Variants in FUCA2 observed in about 807,000 individuals in gnomAD.
FUCA2 encodes the protein alpha-L-fucosidase 2, also known as plasma alpha-L-fucosidase.
FUCA2 carries 41 observed loss-of-function variants against 52.6 expected under a neutral mutation model. The ratio of observed to expected loss-of-function variants is 0.78; its 90% CI spans 0.61 to 1.01. The LOEUF (loss-of-function observed/expected upper bound fraction) is 1.01. Among genes scored for constraint, FUCA2 ranks in the 50% least tolerant of loss-of-function variants. The pLI, the probability that FUCA2 is intolerant of heterozygous loss-of-function variation, is 0.00. For synonymous variants in FUCA2, 211 were observed against 217.3 expected, an observed-to-expected ratio of 0.97 and a Z score of 0.26; for missense variants, 507 against 569.5, an observed-to-expected ratio of 0.89 and a Z score of 1.12.
rs990183313 is a variant in FUCA2 at position 143,507,334 on chromosome 6, T to C, written c.315A>G (p.Pro105=). The C allele has an allele frequency of 6.2e-7, 1 of 1,609,940 alleles. No individual in the cohort carries two copies. The highest frequency in any genetic ancestry group is 1.3e-5 in the African/African-American group (1 of 74,644). The change falls in exon 2 of 7, where the codon CCA becomes CCG. Residue 105 remains proline (P), a synonymous_variant. Coordinates refer to ENST00000002165, the MANE Select transcript of FUCA2 (RefSeq NM_032020.5). The surrounding 1 kb of genome is among the most constrained non-coding windows in gnomAD (Gnocchi z 4.5). ...PPSFKYEDFG[P]LFTAKFFNAN... ...CATTAAAAAATTTTGCTGTAAATAG[T>C]GGTCCAAAATCTTCATATTTGAAAC...
chr6:143,498,772 T>C (rs1344124491), intron 5 of FUCA2, among the ~76,000 whole-genome samples: 1 of 152,120 alleles, frequency 6.6e-6, no homozygotes, highest in Non-Finnish European at 1.5e-5. Context: ...AAAAGTATAC[T>C]CTGATTGCTT....
At position 143,507,095 on chromosome 6, in the gene FUCA2, C is replaced by A; in HGVS notation, c.412+142G>T. On this transcript the variant is annotated intron_variant, in intron 2 of 6. Transcript: ENST00000002165. This position sits in a 1 kb window ranked among gnomAD's most constrained non-coding sequence, Gnocchi z 4.5. ...CTCAATTTGGGTTGAATGTGCAGTCCCTAAGTCATAAGCAAGTGCCAGTCA... is the reference window on the plus strand; with the variant it reads ...CTCAATTTGGGTTGAATGTGCAGTCACTAAGTCATAAGCAAGTGCCAGTCA... 1.5e-6 allele frequency: 1 copy of A among 677,730 alleles called. No individual in the cohort carries two copies. The highest frequency in any genetic ancestry group is 2.4e-6 in the Non-Finnish European group (1 of 418,890). The allele number at this position is 677,730 out of a possible 1,614,324, so 42.0% of individuals were successfully genotyped here. A position where few individuals can be genotyped will look rare whatever the true frequency, so the allele number is the denominator to read the frequency against.
rs552475776 is a variant in FUCA2, at chr6:143,502,695, C to G, written c.753-130G>C. 2.5e-6 allele frequency: 2 copies of G among 792,820 alleles called. No individual in the cohort carries two copies. Among genetic ancestry groups the G allele is most frequent in the South Asian group, 3.9e-5 (2 of 50,830 alleles). 49.1% of individuals were successfully genotyped at this position (792,820 alleles called of 1,614,324 possible). A position where few individuals can be genotyped will look rare whatever the true frequency, so the allele number is the denominator to read the frequency against. ...ACCATGGCATAGTACAGTGGAAAGC[C>G]CATGGTTTTGAAGTCAAACAGACCT... On this transcript the variant is annotated intron_variant, in intron 3 of 6. Coordinates refer to ENST00000002165, the MANE Select transcript of FUCA2 (RefSeq NM_032020.5). The surrounding 1 kb of genome is among the most constrained non-coding windows in gnomAD (Gnocchi z 4.1).
Position 143,507,410 on chromosome 6 carries a change from T to C in FUCA2, c.239A>G (p.Lys80Arg). 6.3e-7 allele frequency: 1 copy of C among 1,596,606 alleles called. No individual in the cohort carries two copies. The highest frequency in any genetic ancestry group is 1.1e-5 in the South Asian group (1 of 87,462). The change falls in exon 2 of 7, where the codon AAG (lysine) becomes AGG (arginine). Residue 80 changes from lysine to arginine, a missense_variant. Transcript: ENST00000002165. This position sits in a 1 kb window ranked among gnomAD's most constrained non-coding sequence, Gnocchi z 4.5. ...TTCCACATACTTCGGTATCTTTTCC[T>C]TTTGCCAATACCACCTAAGGGGAGG... ...GSEWFWWYWQKEKIPKYVEFM... is the reference protein window; with the variant it reads ...GSEWFWWYWQREKIPKYVEFM...
At position 143,511,065 on chromosome 6, in the gene FUCA2, G is replaced by C. The variant is rs763182948; in HGVS notation, c.224+346C>G. On this transcript the variant is annotated intron_variant, in intron 1 of 6. Transcript: ENST00000002165. The surrounding 1 kb of genome is among the most constrained non-coding windows in gnomAD (Gnocchi z 6.3). ...GGCCATTGTGCCTGAGTCACCGCTC[G>C]TGTGATGCCCCTGCACAAACTGATG... Among the ~76,000 whole-genome samples, 8 of 152,200 alleles carry C rather than the reference G, an allele frequency of 5.3e-5. No individual in the cohort carries two copies. The highest frequency in any genetic ancestry group is 1.9e-4 in the African/African-American group (8 of 41,444).
chr6:143,511,720 C>G lies in FUCA2; in HGVS notation c.-86G>C. ...TCCGTCTCTGCCGCTGAGTATGCCG[C>G]GCCGCGGTCACCTGACCAAGTCGGA... On this transcript the variant is annotated 5_prime_UTR_variant, in exon 1 of 7. Transcript: ENST00000002165. This position sits in a 1 kb window ranked among gnomAD's most constrained non-coding sequence, Gnocchi z 6.3. 1.6e-6 allele frequency: 2 copies of G among 1,289,550 alleles called. No homozygotes were observed. Among genetic ancestry groups the G allele is most frequent in the African/African-American group, 3.0e-5 (2 of 65,630 alleles). The allele number at this position is 1,289,550 out of a possible 1,614,324, so 79.9% of individuals were successfully genotyped here.
In FUCA2 at chr6:143,502,084, C is replaced by G. The variant is rs1780534898; in HGVS notation, c.1002G>C (p.Leu334Phe). 1.9e-6 allele frequency: 3 copies of G among 1,611,620 alleles called. No homozygotes were observed. Among genetic ancestry groups the G allele is most frequent in the Non-Finnish European group, 2.5e-6 (3 of 1,179,000 alleles). The part of the protein sequence containing the change: ...VETVSCGGNL[L>F]MNIGPTLDGT... ...CATCTAGTGTGGGCCCAATATTCAT[C>G]AAAAGATTTCCTCCACATGAAACTG... is the stretch of plus-strand genomic sequence containing the variant. Residue 334 changes from leucine (L) to phenylalanine (F), a missense_variant, in exon 5 of 7, where the codon TTG becomes TTC. Coordinates refer to ENST00000002165, the MANE Select transcript of FUCA2 (RefSeq NM_032020.5). The surrounding 1 kb of genome is among the most constrained non-coding windows in gnomAD (Gnocchi z 4.1).
rs1379497349 is a variant in FUCA2 at position 143,501,399 on chromosome 6, A to G, written c.1154+533T>C. ...TATATGTTAAGAAACCATATCAGAA[A>G]CTGTCATATTTGTGGAGTCTGATTC... On this transcript the variant is annotated intron_variant, in intron 5 of 6. Coordinates refer to ENST00000002165, the MANE Select transcript of FUCA2 (RefSeq NM_032020.5). This position sits in a 1 kb window ranked among gnomAD's most constrained non-coding sequence, Gnocchi z 6.1. Among the ~76,000 whole-genome samples the G allele has an allele frequency of 6.6e-6, 1 of 152,188 alleles. No individual in the cohort carries two copies. The highest frequency in any genetic ancestry group is 1.5e-5 in the Non-Finnish European group (1 of 68,036).
chr6:143,511,207 T>C lies in FUCA2; in HGVS notation c.224+204A>G, dbSNP rs185978637. On this transcript the variant is annotated intron_variant, in intron 1 of 6. Transcript: ENST00000002165. This position sits in a 1 kb window ranked among gnomAD's most constrained non-coding sequence, Gnocchi z 6.3. ...CTCTTACAGTCACACGGAAGAAAAA[T>C]TCCCTGTTCATCCAGCAGAAGCACT... is the stretch of plus-strand genomic sequence containing the variant. Among the ~76,000 whole-genome samples the C allele has an allele frequency of 8.9e-4, 135 of 152,030 alleles. No homozygotes were observed. Among genetic ancestry groups the C allele is most frequent in the African/African-American group, 3.2e-3 (131 of 41,446 alleles).
At chr6:143,498,311 T>C (rs1406849557) in intron 5 of FUCA2, among the ~76,000 whole-genome samples, 1 of 152,044 alleles carries the variant, frequency 6.6e-6, no homozygotes, top group Non-Finnish European at 1.5e-5. Context: ...TACATTCTAG[T>C]GGAAGAAATT....
rs1395541901 is a variant in FUCA2 at position 143,495,640 on chromosome 6, C to G, written c.*67G>C. 1.6e-5 allele frequency: 23 copies of G among 1,472,550 alleles called. No homozygotes were observed. The allele number at this position is 1,472,550 out of a possible 1,614,324, so 91.2% of individuals were successfully genotyped here. ...TTACATTTGCTTTCTCCATGTGCTACAATTATAGACACCTGATAGTTCCTA... is the reference window on the plus strand; with the variant it reads ...TTACATTTGCTTTCTCCATGTGCTAGAATTATAGACACCTGATAGTTCCTA... On this transcript the variant is annotated 3_prime_UTR_variant, in exon 7 of 7. Transcript: ENST00000002165. The surrounding 1 kb of genome is among the most constrained non-coding windows in gnomAD (Gnocchi z 5.2).
In FUCA2 at chr6:143,507,738, TG is replaced by T. The variant is rs1299660255; in HGVS notation, c.225-315del. Among the ~76,000 whole-genome samples, 2 of 152,128 alleles carry T rather than the reference TG, an allele frequency of 1.3e-5. No individual in the cohort carries two copies. Among genetic ancestry groups the T allele is most frequent in the African/African-American group, 4.8e-5 (2 of 41,426 alleles). On this transcript the variant is annotated intron_variant, in intron 1 of 6. Coordinates refer to ENST00000002165, the MANE Select transcript of FUCA2 (RefSeq NM_032020.5). This position sits in a 1 kb window ranked among gnomAD's most constrained non-coding sequence, Gnocchi z 4.5. ...AGGTTGGAATGCAGTAATGGAATCA[TG>T]GTTCACTGCAACCTTGACCTCCTGT...
At position 143,511,507 on chromosome 6, in the gene FUCA2, G is replaced by A. The variant is rs751517248; in HGVS notation, c.128C>T (p.Ala43Val). 12 of 1,598,424 alleles carry A rather than the reference G, an allele frequency of 7.5e-6. No individual in the cohort carries two copies. In the Admixed American group the frequency reaches 2.1e-4, roughly 28 times the overall value. The part of the protein sequence containing the change: ...RFDPTWESLD[A>V]RQLPAWFDQA... The stretch of plus-strand genomic sequence containing the variant: ...GTCAAACCACGCGGGCAGCTGGCGG[G>A]CGTCCAGGGACTCCCAGGTGGGGTC... Residue 43 changes from alanine to valine, a missense_variant, in exon 1 of 7, where the codon GCC (alanine) becomes GTC (valine). Ala to Val is a moderately conservative substitution (Grantham distance 64). Transcript: ENST00000002165. This position sits in a 1 kb window ranked among gnomAD's most constrained non-coding sequence, Gnocchi z 6.3.
chr6:143,501,933 A>G lies in FUCA2; in HGVS notation c.1153T>C (p.Trp385Arg). ...SQNDTVTPDVWYTSKPKEKLV... is the reference protein window; with the variant it reads ...SQNDTVTPDVRYTSKPKEKLV... ...TACTTGGTAACAAGAATGACTTACC[A>G]CACATCTGGGGTGACAGTGTCATTC... Residue 385 changes from tryptophan to arginine, a missense_variant and splice_region_variant, in exon 5 of 7, where the codon TGG becomes CGG. Coordinates refer to ENST00000002165, the MANE Select transcript of FUCA2 (RefSeq NM_032020.5). This position sits in a 1 kb window ranked among gnomAD's most constrained non-coding sequence, Gnocchi z 6.1. 6.2e-7 allele frequency: 1 copy of G among 1,610,430 alleles called. No individual in the cohort carries two copies. The highest frequency in any genetic ancestry group is 8.5e-7 in the Non-Finnish European group (1 of 1,177,940).
Position 143,502,545 on chromosome 6 carries a change from A to C in FUCA2, c.773T>G (p.Val258Gly), listed in dbSNP as rs763323872. The change falls in exon 4 of 7, where the codon GTC (valine) becomes GGC (glycine). Residue 258 changes from valine (V) to glycine (G), a missense_variant. Coordinates refer to ENST00000002165, the MANE Select transcript of FUCA2 (RefSeq NM_032020.5). This position sits in a 1 kb window ranked among gnomAD's most constrained non-coding sequence, Gnocchi z 4.1. ...YNESPVRGTV[V>G]TNDRWGAGSI... ...ACCAGCTCCCCAACGATCATTGGTG[A>C]CTACTGTGCCCCGAACTGGGCTGAA... The C allele has an allele frequency of 1.2e-6, 2 of 1,614,066 alleles. No individual in the cohort carries two copies. The highest frequency in any genetic ancestry group is 1.7e-6 in the Non-Finnish European group (2 of 1,179,940).
At position 143,501,586 on chromosome 6, in the gene FUCA2, C is replaced by A. The variant is rs1473923903; in HGVS notation, c.1154+346G>T. Among the ~76,000 whole-genome samples, 1 of 152,162 alleles carries A rather than the reference C, an allele frequency of 6.6e-6. No individual in the cohort carries two copies. The highest frequency in any genetic ancestry group is 1.5e-5 in the Non-Finnish European group (1 of 68,022). ...CAACATCTGCAAAAGTCAGAATTTA[C>A]CGAACTGGTTAAACAGTAATCTCCG... On this transcript the variant is annotated intron_variant, in intron 5 of 6. Coordinates refer to ENST00000002165, the MANE Select transcript of FUCA2 (RefSeq NM_032020.5). This position sits in a 1 kb window ranked among gnomAD's most constrained non-coding sequence, Gnocchi z 6.1.
intron 2 of FUCA2, chr6:143,506,342 A>G (rs967982222): frequency 6.6e-6 from 1 of 151,728 alleles, no homozygotes; most frequent in Non-Finnish European, 1.5e-5. Context: ...CCACTACGCT[A>G]ATTTTTTAGT....
In FUCA2 at chr6:143,501,424, C is replaced by T. The variant is rs913423287; in HGVS notation, c.1154+508G>A. 2.6e-5 allele frequency among the ~76,000 whole-genome samples: 4 copies of T among 152,232 alleles called. No individual in the cohort carries two copies. Among genetic ancestry groups the T allele is most frequent in the Non-Finnish European group, 1.5e-5 (1 of 68,020 alleles). ...ACTGTCATATTTGTGGAGTCTGATT[C>T]GGGTACTCATTGACACACAGAACCT... On this transcript the variant is annotated intron_variant, in intron 5 of 6. Transcript: ENST00000002165. The surrounding 1 kb of genome is among the most constrained non-coding windows in gnomAD (Gnocchi z 6.1).
rs947836556 is a variant in FUCA2, at chr6:143,499,259, C to T, written c.1155-1762G>A. On this transcript the variant is annotated intron_variant, in intron 5 of 6. Coordinates refer to ENST00000002165, the MANE Select transcript of FUCA2 (RefSeq NM_032020.5). The surrounding 1 kb of genome is among the most constrained non-coding windows in gnomAD (Gnocchi z 6.0). ...AAAGCCATGAAAATGGATAAGATCA[C>T]CTGGGACATTAAGATAAACGCAGTG... is the stretch of plus-strand genomic sequence containing the variant. Among the ~76,000 whole-genome samples the T allele has an allele frequency of 1.3e-5, 2 of 152,114 alleles. No homozygotes were observed. The highest frequency in any genetic ancestry group is 2.9e-5 in the Non-Finnish European group (2 of 68,020).
Sources: gnomAD v4.1 joint callset for allele counts (sites outside exome capture counted in the v4.1 genomes callset) on GRCh38, gnomAD v4.1.1 for gene constraint, Gnocchi (gnomAD v3.1) non-coding constraint, MANE v1.5 for transcripts, NCBI Gene and HGNC (gene_info 2026-07-23, HGNC 2026-07-21) for gene names.